CTNNA2: variants seen among roughly 807,000 people sequenced by gnomAD.
The protein encoded by CTNNA2 is catenin alpha 2, also known as catenin alpha-2.
CTNNA2 carries 42 observed loss-of-function variants against 101.0 expected under a neutral mutation model. The observed-to-expected ratio is 0.42, with a 90% CI of 0.32 to 0.54. CTNNA2 has a LOEUF of 0.54. Among genes scored for constraint, CTNNA2 ranks in the 20% least tolerant of loss-of-function variants. CTNNA2 has a pLI of 0.14. For missense variants in CTNNA2, 871 were observed against 1,223.1 expected (o/e 0.71, Z 4.29); for synonymous variants, 450 against 456.4 (o/e 0.99, Z 0.18).
intron 1 of CTNNA2, chr2:79,523,150 T>G: frequency 2.8e-6 from 1 of 358,006 alleles, no homozygotes; most frequent in Non-Finnish European, 5.6e-6. Context: ...ACATTAGTTT[T>G]TGTGTAACAT....
intron 6 of CTNNA2, among the ~76,000 whole-genome samples, chr2:79,909,184 C>A (rs993337275): frequency 1.3e-5 from 2 of 152,072 alleles, no homozygotes; most frequent in African/African-American, 4.8e-5. Context: ...TGTATACAAG[C>A]CACAGCTAAT....
At chr2:79,227,373 G>A (rs1057344515) in intron 2 of CTNNA2, among the ~76,000 whole-genome samples, 1 of 152,004 alleles carries the variant, frequency 6.6e-6, no homozygotes, top group Non-Finnish European at 1.5e-5. Context: ...CTAATTTTTG[G>A]AACATGTATG....
chr2:79,384,668 T>G (rs1678078153), intron 4 of CTNNA2, among the ~76,000 whole-genome samples: 1 of 152,110 alleles, frequency 6.6e-6, no homozygotes, highest in South Asian at 2.1e-4. Flanking sequence ...TGTGATAAAG[T>G]TGTTTGCCAT....
chr2:79,728,062 G>A (rs1234268905), intron 2 of CTNNA2, among the ~76,000 whole-genome samples: 2 of 152,144 alleles, frequency 1.3e-5, no homozygotes, highest in African/African-American at 2.4e-5. Context: ...CTTTATAGCA[G>A]CATGATTTGT....
At chr2:80,530,230 C>T (rs1444024264) in intron 9 of CTNNA2, among the ~76,000 whole-genome samples, 1 of 152,184 alleles carries the variant, frequency 6.6e-6, no homozygotes, top group African/African-American at 2.4e-5. Context: ...AAATAACCCT[C>T]CTGCCCACCC....
intron 3 of CTNNA2, among the ~76,000 whole-genome samples, chr2:79,365,693 T>A (rs1677733538): frequency 6.6e-6 from 1 of 150,854 alleles, no homozygotes; most frequent in Non-Finnish European, 1.5e-5. Flanking sequence ...TGATTCCAGG[T>A]TTTTTGTTTT....
intron 7 of CTNNA2, among the ~76,000 whole-genome samples, chr2:80,147,589 C>G (rs62140133): frequency 1.3e-5 from 2 of 152,128 alleles, no homozygotes; most frequent in African/African-American, 4.8e-5. Context: ...CTTTTAGGGG[C>G]CTTTGAATCC....
intron 1 of CTNNA2, among the ~76,000 whole-genome samples, chr2:79,186,566 C>T (rs1298797614): frequency 1.3e-5 from 2 of 152,226 alleles, no homozygotes; most frequent in African/African-American, 4.8e-5. Context: ...GCTTGTCTCA[C>T]ATCACCAATA....
chr2:79,483,594 C>T (rs79350325), intron 4 of CTNNA2, among the ~76,000 whole-genome samples: 1,647 of 152,258 alleles, frequency 0.011, 20 homozygotes, highest in African/African-American at 0.038. Context: ...CTCCAAAGTC[C>T]ATGTATTGTT....
Position 79,377,896 on chromosome 2 carries a change from G to C in CTNNA2, c.-135+3883G>C, listed in dbSNP as rs79943312. Among the ~76,000 whole-genome samples the C allele has an allele frequency of 0.013, 1,985 of 152,212 alleles. 125 individuals carry two copies. In the East Asian group the frequency reaches 0.19, roughly 14 times the overall value. On this transcript the variant is annotated intron_variant, in intron 4 of 21. Transcript: ENST00000466387. ...ATGAGTAATACAGTCCTTAGTCTCT[G>C]ACCTAGGAGTTTCTTGACTCTGCCA...
intron 7 of CTNNA2, among the ~76,000 whole-genome samples, chr2:79,990,772 T>A (rs1246535150): frequency 6.6e-6 from 1 of 152,180 alleles, no homozygotes; most frequent in Non-Finnish European, 1.5e-5. Context: ...GGCTTTGGTA[T>A]CAGGATGATG....
At chr2:79,442,648 A>T (rs1208847794) in intron 4 of CTNNA2, among the ~76,000 whole-genome samples, 1 of 152,216 alleles carries the variant, frequency 6.6e-6, no homozygotes, top group Non-Finnish European at 1.5e-5. Flanking sequence ...AGGCAAATAT[A>T]TAATAAAATC....
rs1673081985 is a variant in CTNNA2 at position 79,536,591 on chromosome 2, G to GTGTGTA, written c.-6+23389_-6+23390insATGTGT. Among the ~76,000 whole-genome samples the GTGTGTA allele has an allele frequency of 1.2e-4, 18 of 152,130 alleles. 1 individual carries two copies. The highest frequency in any genetic ancestry group is 1.1e-3 in the Admixed American group (17 of 15,284). On this transcript the variant is annotated intron_variant, in intron 1 of 18. Transcript: ENST00000402739. ...TCTAAAGAAGTGTGTGTGTGTGTGT[G>GTGTGTA]TGTGTGTGTGTTTGTGTTGAGGGTG...
intron 9 of CTNNA2, among the ~76,000 whole-genome samples, chr2:80,537,597 T>C (rs970944904): frequency 7.0e-5 from 9 of 128,948 alleles, no homozygotes; most frequent in Non-Finnish European, 1.4e-4. Context: ...GTTTCCTGAC[T>C]TTTTTTTTTT....
At chr2:80,633,859 A>G (rs1234066017) in intron 18 of CTNNA2, among the ~76,000 whole-genome samples, 2 of 152,198 alleles carry the variant, frequency 1.3e-5, no homozygotes, top group Non-Finnish European at 1.5e-5. Flanking sequence ...TCTTTTGAGC[A>G]AAGACTGATC....
intron 7 of CTNNA2, among the ~76,000 whole-genome samples, chr2:80,359,024 T>C (rs77709568): frequency 0.018 from 2,679 of 152,154 alleles, 81 homozygotes; most frequent in African/African-American, 0.06. Flanking sequence ...TTTTTATTGA[T>C]TTTTTGACTC....
At chr2:80,275,471 A>AT (rs931460055) in intron 7 of CTNNA2, among the ~76,000 whole-genome samples, 23 of 152,278 alleles carry the variant, frequency 1.5e-4, no homozygotes, top group Admixed American at 3.3e-4. Flanking sequence ...TTGAATGATG[A>AT]TTTTTTTATT....
chr2:79,805,165 G>C (rs1676470380), intron 3 of CTNNA2, among the ~76,000 whole-genome samples: 1 of 152,168 alleles, frequency 6.6e-6, no homozygotes, highest in Non-Finnish European at 1.5e-5. Flanking sequence ...GGGGACTAGA[G>C]AATGAGTCCC....
chr2:79,550,091 G>A (rs1673998712), intron 1 of CTNNA2, among the ~76,000 whole-genome samples: 1 of 152,034 alleles, frequency 6.6e-6, no homozygotes, highest in Admixed American at 6.6e-5. Flanking sequence ...AGGAGGTGAG[G>A]GAGGGGGCAC....
Sources: gnomAD v4.1 joint callset for allele counts (sites outside exome capture counted in the v4.1 genomes callset) on GRCh38, gnomAD v4.1.1 for gene constraint, MANE v1.5 for transcripts, NCBI Gene and HGNC (gene_info 2026-07-23, HGNC 2026-07-21) for gene names.